Variants in HIPK3 observed in about 807,000 individuals in gnomAD.
HIPK3 encodes the protein homeodomain interacting protein kinase 3.
In HIPK3, 47 loss-of-function variants were observed where a neutral mutation model predicts 124.2. The observed-to-expected ratio is 0.38, with a 90% CI of 0.30 to 0.48. HIPK3 has a LOEUF of 0.48. Among genes scored for constraint, HIPK3 ranks in the 20% least tolerant of loss-of-function variants. The probability of loss-of-function intolerance (pLI) is 0.98; values close to 1 mark genes in which losing one functional copy is unlikely to be tolerated. For missense variants in HIPK3, 1,286 were observed against 1,454.3 expected (o/e 0.88, Z 1.88); for synonymous variants, 482 against 515.2 (o/e 0.94, Z 0.87).
intron 3 of HIPK3, among the ~76,000 whole-genome samples, chr11:33,334,395 C>T (rs553956662): frequency 2.6e-5 from 4 of 152,016 alleles, no homozygotes; most frequent in African/African-American, 7.2e-5. Flanking sequence ...AGTAGAAGTT[C>T]GAGAACAATA....
At chr11:33,316,556 C>T (rs1352563678) in intron 2 of HIPK3, among the ~76,000 whole-genome samples, 1 of 152,034 alleles carries the variant, frequency 6.6e-6, no homozygotes, top group Non-Finnish European at 1.5e-5. Flanking sequence ...GGCATGGTGG[C>T]TCACACCTGT....
chr11:33,303,695 C>T (rs531311766), intron 2 of HIPK3, among the ~76,000 whole-genome samples: 9 of 152,244 alleles, frequency 5.9e-5, no homozygotes, highest in South Asian at 2.1e-4. Flanking sequence ...GAATTCAGCA[C>T]GCTGAATGTT....
In HIPK3 at chr11:33,287,303, A is replaced by G; in HGVS notation, c.889A>G (p.Lys297Glu). Reference sequence around the variant, plus strand: ...AAATAAATTTAGTCCCCTGCCACTAAAAGTGATTCGGCCCATTCTTCAACA... The same window carrying G: ...AAATAAATTTAGTCCCCTGCCACTAGAAGTGATTCGGCCCATTCTTCAACA... The part of the protein sequence containing the change: ...KQNKFSPLPL[K>E]VIRPILQQVA... Residue 297 changes from lysine to glutamate, a missense_variant, in exon 2 of 17, where the codon AAA becomes GAA. Around this residue, in one of 3 missense-constraint regions of HIPK3, gnomAD observed 251 missense variants for 349.1 expected, o/e 0.72. Coordinates refer to ENST00000303296, the MANE Select transcript of HIPK3 (RefSeq NM_005734.5). 1 of 1,614,176 alleles carries G rather than the reference A, an allele frequency of 6.2e-7. No individual in the cohort carries two copies. Among genetic ancestry groups the G allele is most frequent in the Non-Finnish European group, 8.5e-7 (1 of 1,180,018 alleles).
At chr11:33,343,843 A>G (rs1853416602) in intron 8 of HIPK3, among the ~76,000 whole-genome samples, 1 of 152,180 alleles carries the variant, frequency 6.6e-6, no homozygotes, top group African/African-American at 2.4e-5. Context: ...AGGGCAACTT[A>G]GATGGTTGAT....
intron 1 of HIPK3, among the ~76,000 whole-genome samples, chr11:33,271,566 A>AAAAT (rs1359979704): frequency 2.6e-5 from 4 of 152,178 alleles, no homozygotes; most frequent in Non-Finnish European, 4.4e-5. Context: ...ACCCTGTCTC[A>AAAAT]AAATAAATAA....
At chr11:33,279,363 C>G (rs373718441) in intron 1 of HIPK3, among the ~76,000 whole-genome samples, 1 of 148,322 alleles carries the variant, frequency 6.7e-6, no homozygotes, top group Admixed American at 6.7e-5. Context: ...AGAAGAAGAA[C>G]CCTATTACAT....
intron 2 of HIPK3, among the ~76,000 whole-genome samples, chr11:33,317,055 C>T (rs534020598): frequency 2.0e-5 from 3 of 152,036 alleles, no homozygotes; most frequent in Non-Finnish European, 4.4e-5. Flanking sequence ...GCTGCAACCT[C>T]CGCCTCCTAG....
At chr11:33,325,878 AT>A (rs1269480853) in intron 2 of HIPK3, among the ~76,000 whole-genome samples, 5 of 152,230 alleles carry the variant, frequency 3.3e-5, no homozygotes, top group Admixed American at 6.5e-5. Context: ...CCTAAATATA[AT>A]TAATGTGTAT....
intron 2 of HIPK3, among the ~76,000 whole-genome samples, chr11:33,293,680 T>G (rs1851761811): frequency 6.6e-6 from 1 of 152,210 alleles, no homozygotes; most frequent in Non-Finnish European, 1.5e-5. Flanking sequence ...ATCAGTAGAA[T>G]GTATTAAAAT....
In HIPK3 at chr11:33,355,101, G is replaced by A. The variant is rs1225611634; in HGVS notation, c.*1533G>A. 2.0e-5 allele frequency: 3 copies of A among 151,974 alleles called. No individual in the cohort carries two copies. Among genetic ancestry groups the A allele is most frequent in the Non-Finnish European group, 2.9e-5 (2 of 67,918 alleles). 9.4% of individuals were successfully genotyped at this position (151,974 alleles called of 1,614,324 possible). A position where few individuals can be genotyped will look rare whatever the true frequency, so the allele number is the denominator to read the frequency against. On this transcript the variant is annotated 3_prime_UTR_variant, in exon 17 of 17. Coordinates refer to ENST00000303296, the MANE Select transcript of HIPK3 (RefSeq NM_005734.5). ...TATCATAGATAAGCTGCTATATAAC[G>A]ATTGCCACTTCAGATAGCTGTGAAA...
At chr11:33,334,035 GGT>G (rs1853065425) in intron 3 of HIPK3, among the ~76,000 whole-genome samples, 1 of 152,102 alleles carries the variant, frequency 6.6e-6, no homozygotes, top group African/African-American at 2.4e-5. Context: ...GTGGGTGGGA[GGT>G]GGGGAGAAAG....
intron 3 of HIPK3, among the ~76,000 whole-genome samples, chr11:33,330,224 A>G (rs938304085): frequency 2.6e-5 from 4 of 152,076 alleles, no homozygotes; most frequent in African/African-American, 7.2e-5. Flanking sequence ...CAGATTGACA[A>G]TGTTTTCAGG....
chr11:33,281,513 T>C (rs1451379928), intron 1 of HIPK3, among the ~76,000 whole-genome samples: 1 of 152,176 alleles, frequency 6.6e-6, no homozygotes, highest in Non-Finnish European at 1.5e-5. Flanking sequence ...TAAAAAACTT[T>C]CTTGGAACAG....
intron 14 of HIPK3, 130 bp downstream of exon 14, chr11:33,349,417 C>A: frequency 2.8e-6 from 2 of 707,110 alleles, no homozygotes; most frequent in Non-Finnish European, 4.6e-6. Context: ...AATTTTTGAA[C>A]TAGATCAGTT....
At chr11:33,309,251 G>T (rs1462809695) in intron 2 of HIPK3, among the ~76,000 whole-genome samples, 1 of 152,128 alleles carries the variant, frequency 6.6e-6, no homozygotes, top group Non-Finnish European at 1.5e-5. Context: ...TATGCAAATG[G>T]AGGATTAGAA....
intron 2 of HIPK3, among the ~76,000 whole-genome samples, chr11:33,294,112 C>CCA (rs1452431729): frequency 1.3e-5 from 2 of 151,178 alleles, no homozygotes; most frequent in African/African-American, 4.9e-5. Flanking sequence ...CAAGATCGCG[C>CCA]CATTGCACTC....
Position 33,290,322 on chromosome 11 carries a change from AT to A in HIPK3, c.1097+2820del, listed in dbSNP as rs796244510. Among the ~76,000 whole-genome samples, 204 of 151,626 alleles carry A rather than the reference AT, an allele frequency of 1.3e-3. 2 individuals are homozygous for A. Among genetic ancestry groups the A allele is most frequent in the East Asian group, 8.5e-3 (44 of 5,176 alleles). On this transcript the variant is annotated intron_variant, in intron 2 of 16. Transcript: ENST00000303296. Reference sequence around the variant, plus strand: ...ATTAGATATCTGTGCTCCGCAAAAGATTTTTTTTTCAATATACAAGATTAGC... The same window carrying A: ...ATTAGATATCTGTGCTCCGCAAAAGATTTTTTTTCAATATACAAGATTAGC...
chr11:33,300,711 A>G (rs1480169755), intron 2 of HIPK3, among the ~76,000 whole-genome samples: 1 of 151,936 alleles, frequency 6.6e-6, no homozygotes, highest in African/African-American at 2.4e-5. Context: ...ATGTTGATAT[A>G]TTTGTGGGTG....
intron 2 of HIPK3, among the ~76,000 whole-genome samples, chr11:33,315,384 A>C (rs1410463783): frequency 2.0e-5 from 3 of 151,760 alleles, no homozygotes; most frequent in Non-Finnish European, 4.4e-5. Flanking sequence ...GCGCCACCAC[A>C]CCTGCCTAAT....
Sources: allele counts gnomAD v4.1 joint callset (sites outside exome capture counted in the v4.1 genomes callset), GRCh38; gene constraint gnomAD v4.1.1; regional missense constraint gnomAD v4.1.1; transcripts MANE v1.5; gene names NCBI Gene and HGNC (gene_info 2026-07-23, HGNC 2026-07-21).